Variants in FAT4 observed in about 807,000 individuals in gnomAD.
FAT4 encodes FAT atypical cadherin 4, also known as protocadherin Fat 4.
A neutral mutation model predicts 303.9 loss-of-function variants in FAT4; 84 were observed. The observed-to-expected ratio is 0.28, with a 90% CI of 0.23 to 0.33. The LOEUF is 0.33. FAT4 is among the 10% of genes least tolerant of loss of function. FAT4 has a pLI of 1.00. For synonymous variants in FAT4, 2,307 were observed against 2,298.8 expected, an observed-to-expected ratio of 1.00 and a Z score of -0.10; for missense variants, 6,005 against 6,146.8, an observed-to-expected ratio of 0.98 and a Z score of 0.77.
chr4:125,363,006 A>G (rs1732729738), intron 2 of FAT4: 1 of 152,198 alleles, frequency 6.6e-6, no homozygotes, highest in South Asian at 2.1e-4. Context: ...TGGTTTATAT[A>G]AATGTGAAAC....
rs1241803505 is a variant in FAT4, at chr4:125,449,176, T to G, written c.8166T>G (p.His2722Gln). ...TGGAAAATAGTTTCAGTATCAATCATGCTACTGGTGAAATTAGAAGCGTTA... is the reference window on the plus strand; with the variant it reads ...TGGAAAATAGTTTCAGTATCAATCAGGCTACTGGTGAAATTAGAAGCGTTA... ...GNMENSFSIN[H>Q]ATGEIRSVRP... Residue 2722 changes from histidine to glutamine, a missense_variant, in exon 10 of 18, where the codon CAT (histidine) becomes CAG (glutamine). Coordinates refer to ENST00000394329, the MANE Select transcript of FAT4 (RefSeq NM_001291303.3). 1.2e-6 allele frequency: 2 copies of G among 1,613,892 alleles called. No homozygotes were observed.
At chr4:125,366,457 C>A (rs1732890110) in intron 2 of FAT4, among the ~76,000 whole-genome samples, 1 of 152,096 alleles carries the variant, frequency 6.6e-6, no homozygotes, top group South Asian at 2.1e-4. Flanking sequence ...GCGTAGTATT[C>A]CATGGTGTGT....
chr4:125,470,869 C>T lies in FAT4; in HGVS notation c.12213+2050C>T, dbSNP rs191891515. On this transcript the variant is annotated intron_variant, in intron 12 of 17. Transcript: ENST00000394329. ...GAACTTTTACTTTGCATTTACAGCT[C>T]GGCTAACTATTTGGCACAAGAAGCC... Among the ~76,000 whole-genome samples the T allele has an allele frequency of 5.3e-5, 8 of 152,312 alleles. No individual in the cohort carries two copies. The East Asian group carries it at 1.2e-3, about 22-fold the overall frequency.
At position 125,468,712 on chromosome 4, in the gene FAT4, A is replaced by G. The variant is rs1726757690; in HGVS notation, c.12106A>G (p.Arg4036Gly). The part of the protein sequence containing the change: ...EFLALEIAEE[R>G]LRFSYNLGSG... ...TTTGGCCCTTGAAATTGCCGAAGAA[A>G]GACTAAGATTCTCTTATAATTTAGG... The change falls in exon 12 of 18, where the codon AGA (arginine) becomes GGA (glycine). Residue 4036 changes from arginine to glycine, a missense_variant. By Grantham distance (125) the Arg-to-Gly change is moderately radical. Coordinates refer to ENST00000394329, the MANE Select transcript of FAT4 (RefSeq NM_001291303.3). 1 of 1,614,188 alleles carries G rather than the reference A, an allele frequency of 6.2e-7. No homozygotes were observed.
intron 5 of FAT4, among the ~76,000 whole-genome samples, chr4:125,411,484 T>C (rs1359038956): frequency 6.6e-6 from 1 of 151,874 alleles, no homozygotes; most frequent in Admixed American, 6.6e-5. Flanking sequence ...TGTAGCTATA[T>C]AATATTGGTG....
intron 7 of FAT4, among the ~76,000 whole-genome samples, chr4:125,427,470 A>G (rs930281450): frequency 9.9e-5 from 15 of 152,094 alleles, no homozygotes; most frequent in African/African-American, 3.6e-4. Flanking sequence ...GCATATATGT[A>G]GAACTAATTA....
At position 125,450,607 on chromosome 4, in the gene FAT4, T is replaced by A. The variant is rs568003396; in HGVS notation, c.9597T>A (p.Asp3199Glu). 5.0e-5 allele frequency: 80 copies of A among 1,614,172 alleles called. No homozygotes were observed. The South Asian group carries it at 7.7e-4, about 16-fold the overall frequency. The change falls in exon 10 of 18, where the codon GAT becomes GAA. Residue 3199 changes from aspartate to glutamate, a missense_variant. Coordinates refer to ENST00000394329, the MANE Select transcript of FAT4 (RefSeq NM_001291303.3). ...VNDNSPVFLS[D>E]DYFPTVLENA... ...ATAATTCTCCAGTATTCCTCTCTGATGACTATTTCCCTACTGTTTTGGAAA... is the reference window on the plus strand; with the variant it reads ...ATAATTCTCCAGTATTCCTCTCTGAAGACTATTTCCCTACTGTTTTGGAAA...
At chr4:125,475,717 T>C (rs1211586938) in intron 12 of FAT4, among the ~76,000 whole-genome samples, 1 of 152,148 alleles carries the variant, frequency 6.6e-6, no homozygotes, top group Non-Finnish European at 1.5e-5. Flanking sequence ...TTTCCTAATC[T>C]TTTTGTAAAT....
chr4:125,415,946 T>A (rs977484226), intron 6 of FAT4, 140 bp downstream of exon 6: 2 of 658,544 alleles, frequency 3.0e-6, no homozygotes, highest in African/African-American at 3.6e-5. Flanking sequence ...ATACAGCAAA[T>A]TTTGAAAAGG....
In FAT4 at chr4:125,489,945, A is replaced by C. The variant is rs1578703664; in HGVS notation, c.13129A>C (p.Ser4377Arg). 6.3e-7 allele frequency: 1 copy of C among 1,577,912 alleles called. No homozygotes were observed. The highest frequency in any genetic ancestry group is 2.4e-5 in the East Asian group (1 of 41,730). The stretch of plus-strand genomic sequence containing the variant: ...TGCTTCTATGTGGTATGGTGGAGAA[A>C]GTCTTCCTTTCAGCGGGAAGCATAG... ...CIASMWYGGE[S>R]LPFSGKHSLA... is the part of the protein sequence containing the mutation. The change falls in exon 18 of 18, where the codon AGT becomes CGT. Residue 4377 changes from serine to arginine, a missense_variant. By Grantham distance (110) the Ser-to-Arg change is moderately radical. Transcript: ENST00000394329.
chr4:125,408,700 T>C lies in FAT4; in HGVS notation c.5826T>C (p.Pro1942=). 1 of 1,611,498 alleles carries C rather than the reference T, an allele frequency of 6.2e-7. No individual in the cohort carries two copies. Among genetic ancestry groups the C allele is most frequent in the Non-Finnish European group, 8.5e-7 (1 of 1,177,914 alleles). ...TTCTAGATGTAAATGATAATCCACCTATTTTCAGCTTGAATTCATACAGCA... is the reference window on the plus strand; with the variant it reads ...TTCTAGATGTAAATGATAATCCACCCATTTTCAGCTTGAATTCATACAGCA... The part of the protein sequence containing the change: ...FNILDVNDNP[P]IFSLNSYSTS... Residue 1942 remains proline, a synonymous_variant, in exon 5 of 18, where the codon CCT becomes CCC. Coordinates refer to ENST00000394329, the MANE Select transcript of FAT4 (RefSeq NM_001291303.3).
At chr4:125,445,662 C>T (rs550899568) in intron 8 of FAT4, among the ~76,000 whole-genome samples, 43 of 152,078 alleles carry the variant, frequency 2.8e-4, no homozygotes, top group African/African-American at 7.2e-4. Context: ...AACTCTTGCC[C>T]GTTAACCTAT....
chr4:125,392,805 G>T (rs1262192301), intron 2 of FAT4, among the ~76,000 whole-genome samples: 1 of 152,072 alleles, frequency 6.6e-6, no homozygotes, highest in Non-Finnish European at 1.5e-5. Context: ...TATTTTTTAT[G>T]AAAGATCATT....
rs1438213063 is a variant in FAT4 at position 125,319,536 on chromosome 4, A to G, written c.3125A>G (p.Asp1042Gly). 16 of 1,614,184 alleles carry G rather than the reference A, an allele frequency of 9.9e-6. No homozygotes were observed. Among genetic ancestry groups the G allele is most frequent in the Non-Finnish European group, 1.4e-5 (16 of 1,180,026 alleles). ...ACCATTGCTGAAGGAAATACAGGGG[A>G]TGCTTTTGGCATATTCCCAGATGGT... Reference protein sequence around the residue: ...AYTIAEGNTGDAFGIFPDGQL... With the variant: ...AYTIAEGNTGGAFGIFPDGQL... Residue 1042 changes from aspartate to glycine, a missense_variant, in exon 2 of 18, where the codon GAT becomes GGT. Physicochemically the swap from Asp to Gly is moderately conservative, Grantham distance 94. Coordinates refer to ENST00000394329, the MANE Select transcript of FAT4 (RefSeq NM_001291303.3).
At chr4:125,438,759 A>G (rs2126047732) in intron 8 of FAT4, among the ~76,000 whole-genome samples, 1 of 152,266 alleles carries the variant, frequency 6.6e-6, no homozygotes, top group Admixed American at 6.5e-5. Context: ...TCTTAATGGA[A>G]TATAATGTAT....
intron 2 of FAT4, among the ~76,000 whole-genome samples, chr4:125,351,125 G>GT (rs1402890642): frequency 2.0e-5 from 3 of 151,550 alleles, no homozygotes; most frequent in African/African-American, 7.3e-5. Flanking sequence ...CTTTTTTGTT[G>GT]TTTTTTAAAT....
intron 17 of FAT4, 56 bp from the exon 18 acceptor site, chr4:125,489,845 C>CTATTTTT: frequency 2.2e-6 from 1 of 465,042 alleles, no homozygotes; most frequent in East Asian, 5.8e-5. Context: ...GTAGTATAAG[C>CTATTTTT]TCTTTTTTTT....
At chr4:125,436,871 T>G (rs1323976498) in intron 8 of FAT4, among the ~76,000 whole-genome samples, 1 of 152,056 alleles carries the variant, frequency 6.6e-6, no homozygotes, top group Non-Finnish European at 1.5e-5. Context: ...TGTATTTTTT[T>G]TGAGATGGAG....
Position 125,448,712 on chromosome 4 carries a change from A to G in FAT4, c.7702A>G (p.Lys2568Glu), listed in dbSNP as rs1473612434. ...VRFVNKADFP[K>E]VRAKEQTFMF... ...ATTCGTGAATAAGGCCGATTTCCCT[A>G]AAGTGAGAGCCAAAGAACAAACGTT... The change falls in exon 10 of 18, where the codon AAA (lysine) becomes GAA (glutamate). Residue 2568 changes from lysine to glutamate, a missense_variant. Physicochemically the swap from Lys to Glu is moderately conservative, Grantham distance 56. Transcript: ENST00000394329. 6.2e-7 allele frequency: 1 copy of G among 1,613,934 alleles called. No homozygotes were observed. The highest frequency in any genetic ancestry group is 8.5e-7 in the Non-Finnish European group (1 of 1,179,898).
Sources: allele counts gnomAD v4.1 joint callset (sites outside exome capture counted in the v4.1 genomes callset), GRCh38; gene constraint gnomAD v4.1.1; transcripts MANE v1.5; gene names NCBI Gene and HGNC (gene_info 2026-07-23, HGNC 2026-07-21).